Variants in CEP126 observed in about 807,000 individuals in gnomAD.
The protein encoded by CEP126 is centrosomal protein of 126 kDa.
CEP126 carries 74 observed loss-of-function variants against 107.8 expected under a neutral mutation model. The ratio of observed to expected loss-of-function variants is 0.69; its 90% CI spans 0.57 to 0.83. The LOEUF (loss-of-function observed/expected upper bound fraction) is 0.83, where lower values mean the gene tolerates loss of function less well. Ranked by LOEUF, CEP126 falls within the 40% of genes least tolerant of loss-of-function variation. CEP126 has a pLI of 0.00. For synonymous variants in CEP126, 449 were observed against 446.0 expected (o/e 1.01, Z -0.08); for missense variants, 1,237 against 1,281.9 (o/e 0.96, Z 0.53).
At chr11:101,957,684 T>C (rs4754821) in intron 4 of CEP126, among the ~76,000 whole-genome samples, 10,706 of 152,254 alleles carry the variant, frequency 0.07, 579 homozygotes, top group East Asian at 0.27. Context: ...AAATTCCTGC[T>C]GACCCTGACA....
At chr11:101,992,930 A>T in intron 10 of CEP126, 88 bp downstream of exon 10, 1 of 1,211,596 alleles carries the variant, frequency 8.3e-7, no homozygotes, top group Non-Finnish European at 1.1e-6. Context: ...CCCCGTATTA[A>T]TATTAATATT....
At chr11:101,984,867 A>C (rs1941297836) in intron 8 of CEP126, among the ~76,000 whole-genome samples, 1 of 152,228 alleles carries the variant, frequency 6.6e-6, no homozygotes, top group Admixed American at 6.5e-5. Context: ...AGTGTACAGT[A>C]ACCATCTGGT....
At position 102,000,812 on chromosome 11, in the gene CEP126, T is replaced by C. The variant is rs748007654; in HGVS notation, c.*3169T>C. On this transcript the variant is annotated 3_prime_UTR_variant, in exon 11 of 11. Transcript: ENST00000263468. Reference sequence around the variant, plus strand: ...CAACTAATAACTGGTCAGAAAAATTTAGACGGTCTTCATTTTAAAATTGGC... The same window carrying C: ...CAACTAATAACTGGTCAGAAAAATTCAGACGGTCTTCATTTTAAAATTGGC... The C allele has an allele frequency of 3.3e-5, 5 of 152,222 alleles. No individual in the cohort carries two copies. The highest frequency in any genetic ancestry group is 1.3e-4 in the Admixed American group (2 of 15,284). The allele number at this position is 152,222 out of a possible 1,614,324, so 9.4% of individuals were successfully genotyped here. A position where few individuals can be genotyped will look rare whatever the true frequency, so the allele number is the denominator to read the frequency against.
chr11:101,922,285 C>G (rs925035064), intron 1 of CEP126, among the ~76,000 whole-genome samples: 1 of 152,012 alleles, frequency 6.6e-6, no homozygotes, highest in Non-Finnish European at 1.5e-5. Flanking sequence ...CTGCCTCAGC[C>G]TCCCAAGTAG....
At chr11:101,956,350 C>T in intron 4 of CEP126, 1 of 456,336 alleles carries the variant, frequency 2.2e-6, no homozygotes, top group South Asian at 1.5e-5. Context: ...ATCCACCAGT[C>T]CCCACTCTTT....
intron 6 of CEP126, among the ~76,000 whole-genome samples, chr11:101,967,737 T>C (rs926498203): frequency 6.6e-6 from 1 of 151,958 alleles, no homozygotes; most frequent in Non-Finnish European, 1.5e-5. Flanking sequence ...TTAATAAACT[T>C]ATATAAAAAT....
At position 101,962,703 on chromosome 11, in the gene CEP126, T is replaced by C; in HGVS notation, c.1668T>C (p.Val556=). ...LSNVTSNYDF[V]GQHKKMKYNI... ...ATGTAACTTCTAATTATGACTTTGT[T>C]GGCCAGCATAAGAAAATGAAATACA... is the stretch of plus-strand genomic sequence containing the variant. Residue 556 remains valine (V), a synonymous_variant, in exon 6 of 11, where the codon GTT becomes GTC. Coordinates refer to ENST00000263468, the MANE Select transcript of CEP126 (RefSeq NM_020802.4). 9 of 1,613,208 alleles carry C rather than the reference T, an allele frequency of 5.6e-6. No homozygotes were observed. The highest frequency in any genetic ancestry group is 7.6e-6 in the Non-Finnish European group (9 of 1,179,722).
At position 101,938,060 on chromosome 11, in the gene CEP126, G is replaced by A. The variant is rs953784847; in HGVS notation, c.249-6205G>A. 4.7e-5 allele frequency among the ~76,000 whole-genome samples: 7 copies of A among 150,434 alleles called. No individual in the cohort carries two copies. The East Asian group carries it at 1.4e-3, about 30-fold the overall frequency. On this transcript the variant is annotated intron_variant, in intron 2 of 10. Coordinates refer to ENST00000263468, the MANE Select transcript of CEP126 (RefSeq NM_020802.4). ...CCCAGCTACTCGGGAGGCTGAGGCA[G>A]GAGAATGGCGTGAACCCGGGAAGCG... is the stretch of plus-strand genomic sequence containing the variant.
intron 4 of CEP126, among the ~76,000 whole-genome samples, chr11:101,953,393 G>A (rs41518251): frequency 6.6e-6 from 1 of 151,964 alleles, no homozygotes. Flanking sequence ...TAGAGAAGGA[G>A]AAGATTTTGT....
At chr11:101,925,597 C>A (rs567094243) in intron 2 of CEP126, among the ~76,000 whole-genome samples, 131 of 148,842 alleles carry the variant, frequency 8.8e-4, no homozygotes, top group African/African-American at 3.2e-3. Context: ...GGTGAAACCT[C>A]GTCTCTACTA....
chr11:101,982,575 C>G (rs1941269681), intron 8 of CEP126, among the ~76,000 whole-genome samples: 1 of 152,052 alleles, frequency 6.6e-6, no homozygotes, highest in Non-Finnish European at 1.5e-5. Flanking sequence ...AATTTTCTTA[C>G]TGATGTCTGC....
At chr11:101,983,471 G>T (rs1162071339) in intron 8 of CEP126, among the ~76,000 whole-genome samples, 2 of 152,320 alleles carry the variant, frequency 1.3e-5, no homozygotes, top group East Asian at 3.9e-4. Context: ...TTAATGGTAT[G>T]CTGATCATGA....
intron 4 of CEP126, among the ~76,000 whole-genome samples, chr11:101,955,633 A>G (rs1337096863): frequency 6.6e-6 from 1 of 152,236 alleles, no homozygotes; most frequent in African/African-American, 2.4e-5. Context: ...AGTACATGTG[A>G]GAGGACACTG....
rs1290344319 is a variant in CEP126, at chr11:101,962,123, C to T, written c.1088C>T (p.Thr363Ile). ...GGAACAGTGGAAAGAGCCACAAATA[C>T]TGCTAATAATTCAGTACCCTTTGTA... ...LNGTVERATN[T>I]ANNSVPFVSS... Residue 363 changes from threonine (T) to isoleucine (I), a missense_variant, in exon 6 of 11, where the codon ACT (threonine) becomes ATT (isoleucine). Thr to Ile is a moderately conservative substitution (Grantham distance 89, BLOSUM62 -1). Around this residue, in one of 3 missense-constraint regions of CEP126, gnomAD observed 1,134 missense variants for 1,150.5 expected, o/e 0.99. Coordinates refer to ENST00000263468, the MANE Select transcript of CEP126 (RefSeq NM_020802.4). 3 of 1,611,800 alleles carry T rather than the reference C, an allele frequency of 1.9e-6. No homozygotes were observed. Among genetic ancestry groups the T allele is most frequent in the Middle Eastern group, 1.6e-4 (1 of 6,070 alleles).
Position 101,999,523 on chromosome 11 carries a change from T to C in CEP126, c.*1880T>C, listed in dbSNP as rs1345712179. On this transcript the variant is annotated 3_prime_UTR_variant, in exon 11 of 11. Coordinates refer to ENST00000263468, the MANE Select transcript of CEP126 (RefSeq NM_020802.4). ...AAAAAAAAAAGCCTAAATAGTAAGC[T>C]GGTGAAACAAGATAAGATTTGCATT... is the stretch of plus-strand genomic sequence containing the variant. 25 of 146,728 alleles carry C rather than the reference T, an allele frequency of 1.7e-4. No individual in the cohort carries two copies. In the East Asian group the frequency reaches 5.0e-3, roughly 29 times the overall value. The allele number at this position is 146,728 out of a possible 1,614,324, so 9.1% of individuals were successfully genotyped here.
At chr11:101,979,055 C>G (rs904361419) in intron 7 of CEP126, among the ~76,000 whole-genome samples, 2 of 151,908 alleles carry the variant, frequency 1.3e-5, no homozygotes, top group African/African-American at 2.4e-5. Flanking sequence ...TTGCTTGAAC[C>G]TGGGAGGCGG....
intron 4 of CEP126, among the ~76,000 whole-genome samples, chr11:101,953,441 A>G (rs1940839915): frequency 2.0e-5 from 3 of 152,328 alleles, no homozygotes; most frequent in Middle Eastern, 6.8e-3. Context: ...ATAAGGTCAC[A>G]TAGACAGTAT....
intron 3 of CEP126, among the ~76,000 whole-genome samples, chr11:101,944,737 AC>A (rs1473217187): frequency 1.3e-5 from 2 of 152,172 alleles, no homozygotes; most frequent in African/African-American, 4.8e-5. Context: ...AATTAGTGTC[AC>A]ATTTATTCTA....
chr11:101,946,385 G>A (rs1940736636), intron 3 of CEP126, among the ~76,000 whole-genome samples: 1 of 152,068 alleles, frequency 6.6e-6, no homozygotes, highest in Non-Finnish European at 1.5e-5. Flanking sequence ...GTTCATGCCT[G>A]TAGTCCCAGC....
Sources: gnomAD v4.1 joint callset for allele counts (sites outside exome capture counted in the v4.1 genomes callset) on GRCh38, gnomAD v4.1.1 for gene constraint, gnomAD v4.1.1 regional missense constraint, MANE v1.5 for transcripts, NCBI Gene and HGNC (gene_info 2026-07-23, HGNC 2026-07-21) for gene names.